CHN1: variants seen among roughly 807,000 people sequenced by gnomAD.
CHN1 encodes chimerin 1, also known as N-chimaerin.
Under a neutral mutation model 59.5 loss-of-function variants are expected in CHN1, and 37 were observed. That is an observed-to-expected ratio of 0.62 (90% CI 0.48 to 0.82). The LOEUF (loss-of-function observed/expected upper bound fraction) is 0.82. Among genes scored for constraint, CHN1 ranks in the 40% least tolerant of loss-of-function variants. The pLI, the probability that CHN1 is intolerant of heterozygous loss-of-function variation, is 0.00. For synonymous variants in CHN1, 206 were observed against 200.4 expected (o/e 1.03, Z -0.24); for missense variants, 469 against 571.0 (o/e 0.82, Z 1.82).
At chr2:174,954,250 A>C (rs995440055) in intron 1 of CHN1, among the ~76,000 whole-genome samples, 1 of 152,182 alleles carries the variant, frequency 6.6e-6, no homozygotes, top group Non-Finnish European at 1.5e-5. Flanking sequence ...CATGTAGAAG[A>C]ACAAAAGTGG....
At chr2:174,962,316 T>A (rs1238309381) in intron 1 of CHN1, among the ~76,000 whole-genome samples, 2 of 151,800 alleles carry the variant, frequency 1.3e-5, no homozygotes, top group Non-Finnish European at 2.9e-5. Flanking sequence ...GAAGAAATAT[T>A]TCATCTAATA....
intron 3 of CHN1, among the ~76,000 whole-genome samples, chr2:174,925,486 C>T (rs1235144345): frequency 6.6e-6 from 1 of 152,206 alleles, no homozygotes; most frequent in East Asian, 1.9e-4. Context: ...TATAGCCAGG[C>T]CTTCCCTTTC....
chr2:174,959,432 G>A (rs1023319282), intron 1 of CHN1, among the ~76,000 whole-genome samples: 3 of 152,174 alleles, frequency 2.0e-5, no homozygotes, highest in African/African-American at 7.2e-5. Flanking sequence ...AGGGGACACT[G>A]GGAGGGGAAA....
At chr2:174,846,340 TGAG>T (rs1558949955) in intron 7 of CHN1, 2 of 1,549,418 alleles carry the variant, frequency 1.3e-6, no homozygotes, top group East Asian at 2.4e-5. Context: ...ACTCAAAAAG[TGAG>T]GAGAAGCTGC....
chr2:174,911,263 A>G (rs1331948671), intron 5 of CHN1, among the ~76,000 whole-genome samples: 2 of 152,232 alleles, frequency 1.3e-5, no homozygotes, highest in Admixed American at 6.5e-5. Flanking sequence ...ATGTGTTTTC[A>G]ATCAAACCTC....
chr2:174,979,651 G>C (rs1465632958), intron 1 of CHN1, among the ~76,000 whole-genome samples: 1 of 152,020 alleles, frequency 6.6e-6, no homozygotes, highest in Non-Finnish European at 1.5e-5. Flanking sequence ...CATCTCTACT[G>C]GCGGGTGGAT....
At chr2:174,961,045 T>G (rs1190661642) in intron 1 of CHN1, among the ~76,000 whole-genome samples, 1 of 148,296 alleles carries the variant, frequency 6.7e-6, no homozygotes, top group African/African-American at 2.4e-5. Flanking sequence ...GAAGGATCAC[T>G]TGAGCCCAGG....
intron 1 of CHN1, among the ~76,000 whole-genome samples, chr2:174,960,571 G>A (rs913578221): frequency 9.9e-5 from 15 of 152,136 alleles, no homozygotes; most frequent in Middle Eastern, 3.4e-3. Flanking sequence ...GGCCGGGCAC[G>A]GTGGCTCATG....
intron 6 of CHN1, chr2:174,875,762 A>G: frequency 1.0e-6 from 1 of 955,794 alleles, no homozygotes. Flanking sequence ...ACCTTAAATC[A>G]ATTAAACATG....
intron 3 of CHN1, among the ~76,000 whole-genome samples, chr2:174,929,180 T>C (rs1283036549): frequency 1.3e-5 from 2 of 152,212 alleles, no homozygotes; most frequent in Non-Finnish European, 2.9e-5. Context: ...ACCATTAACC[T>C]TCAGCATGCC....
chr2:174,954,877 T>C (rs1690140160), intron 1 of CHN1, among the ~76,000 whole-genome samples: 2 of 152,126 alleles, frequency 1.3e-5, no homozygotes, highest in Admixed American at 1.3e-4. Flanking sequence ...GAAAACCGTG[T>C]GGAGATTCCT....
chr2:174,922,858 G>T (rs1401053175), intron 3 of CHN1, among the ~76,000 whole-genome samples: 1 of 152,062 alleles, frequency 6.6e-6, no homozygotes, highest in Non-Finnish European at 1.5e-5. Flanking sequence ...TAAGACAAAC[G>T]ATTGAATACA....
In CHN1 at chr2:174,816,755, G is replaced by T. The variant is rs1685280618; in HGVS notation, c.713-4273C>A. On this transcript the variant is annotated intron_variant, in intron 8 of 12. Coordinates refer to ENST00000409900, the MANE Select transcript of CHN1 (RefSeq NM_001822.7). ...GGGCCTTTTGTTATAATTATTGGGA[G>T]TAATAAAAGCATATTTATCCATCTT... 4.6e-5 allele frequency among the ~76,000 whole-genome samples: 7 copies of T among 152,106 alleles called. No homozygotes were observed. In the South Asian group the frequency reaches 1.5e-3, roughly 32 times the overall value.
At chr2:174,975,381 T>C (rs1173236286) in intron 1 of CHN1, among the ~76,000 whole-genome samples, 1 of 152,172 alleles carries the variant, frequency 6.6e-6, no homozygotes, top group Non-Finnish European at 1.5e-5. Flanking sequence ...CACTAATTGT[T>C]AGTACTTTGT....
intron 1 of CHN1, among the ~76,000 whole-genome samples, chr2:174,953,450 A>G (rs536686526): frequency 2.0e-5 from 3 of 152,328 alleles, no homozygotes; most frequent in African/African-American, 7.2e-5. Context: ...TTCAAGAGAA[A>G]GAAATAATGG....
chr2:174,975,267 G>C (rs1690884804), intron 1 of CHN1, among the ~76,000 whole-genome samples: 1 of 152,196 alleles, frequency 6.6e-6, no homozygotes, highest in African/African-American at 2.4e-5. Flanking sequence ...GTGTGTTTGA[G>C]AGCCAAATTT....
At position 175,005,133 on chromosome 2, in the gene CHN1, G is replaced by T; in HGVS notation, c.-221C>A. 1 of 1,305,882 alleles carries T rather than the reference G, an allele frequency of 7.7e-7. No homozygotes were observed. Among genetic ancestry groups the T allele is most frequent in the Non-Finnish European group, 9.8e-7 (1 of 1,025,306 alleles). 80.9% of individuals were successfully genotyped at this position (1,305,882 alleles called of 1,614,324 possible). A position where few individuals can be genotyped will look rare whatever the true frequency, so the allele number is the denominator to read the frequency against. Reference sequence around the variant, plus strand: ...TTGTCGGGCGCACCGGGCCCAGGGAGCCCCGCTAGCTCTCCGCGAGCCGGC... The same window carrying T: ...TTGTCGGGCGCACCGGGCCCAGGGATCCCCGCTAGCTCTCCGCGAGCCGGC... On this transcript the variant is annotated 5_prime_UTR_variant, in exon 1 of 13. Coordinates refer to ENST00000409900, the MANE Select transcript of CHN1 (RefSeq NM_001822.7).
chr2:174,949,808 C>G (rs1459257428), intron 2 of CHN1, among the ~76,000 whole-genome samples: 1 of 152,070 alleles, frequency 6.6e-6, no homozygotes, highest in Non-Finnish European at 1.5e-5. Flanking sequence ...TTCCTTGACT[C>G]AGAAGTTTTT....
chr2:174,841,301 C>A (rs75839429), intron 7 of CHN1, among the ~76,000 whole-genome samples: 3,097 of 152,218 alleles, frequency 0.02, 101 homozygotes, highest in African/African-American at 0.07. Context: ...AGAGGGCCAC[C>A]GTGCTGAGGG....
Sources: gnomAD v4.1 joint callset for allele counts (sites outside exome capture counted in the v4.1 genomes callset) on GRCh38, gnomAD v4.1.1 for gene constraint, MANE v1.5 for transcripts, NCBI Gene and HGNC (gene_info 2026-07-23, HGNC 2026-07-21) for gene names.